The following LSAMP variants were observed in gnomAD, a reference collection of about 807,000 sequenced individuals.
LSAMP encodes the protein limbic system associated membrane protein, also known as limbic system-associated membrane protein.
Under a neutral mutation model 38.6 loss-of-function variants are expected in LSAMP, and 7 were observed. The observed-to-expected ratio is 0.18, with a 90% CI of 0.10 to 0.34. LSAMP has a LOEUF of 0.34. Ranked by LOEUF, LSAMP falls within the 10% of genes least tolerant of loss-of-function variation. The pLI is 1.00. For synonymous variants in LSAMP, 154 were observed against 166.8 expected, an observed-to-expected ratio of 0.92 and a Z score of 0.59; for missense variants, 313 against 420.0, an observed-to-expected ratio of 0.75 and a Z score of 2.23.
At chr3:116,236,053 T>C (rs2046462394) in intron 1 of LSAMP, among the ~76,000 whole-genome samples, 1 of 152,194 alleles carries the variant, frequency 6.6e-6, no homozygotes, top group South Asian at 2.1e-4. Context: ...GCTTGTGTTT[T>C]TTTCACTTTA....
intron 1 of LSAMP, among the ~76,000 whole-genome samples, chr3:116,138,940 T>C (rs926172748): frequency 1.3e-5 from 2 of 151,794 alleles, no homozygotes; most frequent in Admixed American, 1.3e-4. Flanking sequence ...CCAGAGACTA[T>C]GGTGATCATA....
rs1313045762 is a variant in LSAMP, at chr3:115,807,379, C to T, written c.*2938G>A. Reference sequence around the variant, plus strand: ...TTCAAGATCCTGCTAGAGACACAGGCAAACACCACATTTAAATATATGTTT... The same window carrying T: ...TTCAAGATCCTGCTAGAGACACAGGTAAACACCACATTTAAATATATGTTT... On this transcript the variant is annotated 3_prime_UTR_variant, in exon 7 of 7. Coordinates refer to ENST00000490035, the MANE Select transcript of LSAMP (RefSeq NM_002338.5). 6.6e-6 allele frequency: 1 copy of T among 152,158 alleles called. No individual in the cohort carries two copies. Among genetic ancestry groups the T allele is most frequent in the East Asian group, 1.9e-4 (1 of 5,196 alleles). 9.4% of individuals were successfully genotyped at this position (152,158 alleles called of 1,614,324 possible).
chr3:116,434,347 C>T (rs2049318985), intron 1 of LSAMP, among the ~76,000 whole-genome samples: 1 of 152,134 alleles, frequency 6.6e-6, no homozygotes, highest in Admixed American at 6.5e-5. Flanking sequence ...AAATGAAATG[C>T]CTATATTTCA....
intron 1 of LSAMP, among the ~76,000 whole-genome samples, chr3:116,335,914 A>C (rs2047914774): frequency 6.6e-6 from 1 of 152,088 alleles, no homozygotes; most frequent in African/African-American, 2.4e-5. Context: ...TCACACTGAC[A>C]TAAAGTAAAA....
At chr3:116,171,812 A>T (rs1331244307) in intron 1 of LSAMP, among the ~76,000 whole-genome samples, 1 of 152,008 alleles carries the variant, frequency 6.6e-6, no homozygotes, top group Non-Finnish European at 1.5e-5. Flanking sequence ...CAACTTTTAG[A>T]CAGGAGCAAA....
At chr3:116,292,335 C>T (rs2047278280) in intron 1 of LSAMP, among the ~76,000 whole-genome samples, 2 of 152,106 alleles carry the variant, frequency 1.3e-5, no homozygotes, top group African/African-American at 4.8e-5. Flanking sequence ...GCCATAACTT[C>T]TCAAATGGTG....
chr3:115,880,312 C>A (rs1936288895), intron 3 of LSAMP, among the ~76,000 whole-genome samples: 1 of 152,168 alleles, frequency 6.6e-6, no homozygotes, highest in South Asian at 2.1e-4. Context: ...ACTCCCCAAA[C>A]AACTCCTTCT....
At chr3:116,024,921 G>A (rs1442950602) in intron 2 of LSAMP, among the ~76,000 whole-genome samples, 1 of 151,706 alleles carries the variant, frequency 6.6e-6, no homozygotes, top group East Asian at 1.9e-4. Context: ...CCTACAATTT[G>A]TATGTTTCAC....
At chr3:115,997,713 G>GATATATAT (rs376845636) in intron 3 of LSAMP, among the ~76,000 whole-genome samples, 74 of 91,636 alleles carry the variant, frequency 8.1e-4, no homozygotes, top group Middle Eastern at 7.6e-3. Flanking sequence ...GACATTTTGG[G>GATATATAT]ATATATATAT....
chr3:116,214,989 C>A (rs1354457226), intron 1 of LSAMP, among the ~76,000 whole-genome samples: 1 of 152,126 alleles, frequency 6.6e-6, no homozygotes, highest in Non-Finnish European at 1.5e-5. Flanking sequence ...CCAAGAAATA[C>A]TAATTGGACT....
chr3:116,039,458 C>T (rs1055849584), intron 2 of LSAMP, among the ~76,000 whole-genome samples: 5 of 152,282 alleles, frequency 3.3e-5, no homozygotes, highest in East Asian at 1.9e-4. Context: ...ACCTAAGTAA[C>T]GTGTTAACAG....
intron 1 of LSAMP, among the ~76,000 whole-genome samples, chr3:116,359,658 CAT>C (rs1376654775): frequency 2.0e-5 from 3 of 152,054 alleles, no homozygotes; most frequent in Non-Finnish European, 4.4e-5. Flanking sequence ...TGGTGGTAAA[CAT>C]ATGTCATGGT....
At chr3:115,849,927 A>G (rs1454132393) in intron 4 of LSAMP, among the ~76,000 whole-genome samples, 2 of 152,210 alleles carry the variant, frequency 1.3e-5, no homozygotes, top group African/African-American at 4.8e-5. Flanking sequence ...GGCAGAGTTT[A>G]TCTGTGAATT....
At chr3:115,816,876 A>G (rs989967116) in intron 6 of LSAMP, among the ~76,000 whole-genome samples, 1 of 152,232 alleles carries the variant, frequency 6.6e-6, no homozygotes, top group Non-Finnish European at 1.5e-5. Context: ...AATGATTTGC[A>G]ACTTCAAATA....
chr3:116,028,744 A>G (rs921157715), intron 2 of LSAMP, among the ~76,000 whole-genome samples: 2 of 152,120 alleles, frequency 1.3e-5, no homozygotes, highest in African/African-American at 4.8e-5. Flanking sequence ...TAGCCTATGC[A>G]TTTCTGTGGC....
Position 116,150,335 on chromosome 3 carries a change from C to T in LSAMP, c.156-63779G>A, listed in dbSNP as rs564612945. Among the ~76,000 whole-genome samples the T allele has an allele frequency of 2.6e-5, 4 of 152,104 alleles. No homozygotes were observed. The East Asian group carries it at 7.8e-4, about 30-fold the overall frequency. On this transcript the variant is annotated intron_variant, in intron 1 of 6. Transcript: ENST00000490035. Reference sequence around the variant, plus strand: ...TTATTCATAAAATAGCTATTCTCCCCTCTCATGGATCTTAGCTATTGTCTA... The same window carrying T: ...TTATTCATAAAATAGCTATTCTCCCTTCTCATGGATCTTAGCTATTGTCTA...
chr3:116,400,370 CCTTTT>C (rs1428662581), intron 1 of LSAMP, among the ~76,000 whole-genome samples: 1 of 151,958 alleles, frequency 6.6e-6, no homozygotes, highest in Non-Finnish European at 1.5e-5. Context: ...TTTCTTCCTT[CCTTTT>C]TTTTCTCTCT....
At chr3:115,815,306 T>C (rs1933981857) in intron 6 of LSAMP, among the ~76,000 whole-genome samples, 1 of 152,074 alleles carries the variant, frequency 6.6e-6, no homozygotes, top group South Asian at 2.1e-4. Context: ...ATAGGTAGGG[T>C]TCTGTACTAT....
intron 1 of LSAMP, among the ~76,000 whole-genome samples, chr3:116,101,801 T>C (rs1336162764): frequency 2.6e-5 from 4 of 152,156 alleles, no homozygotes; most frequent in African/African-American, 9.6e-5. Context: ...TCGAATATAT[T>C]GATGCCCTTT....
Sources: gnomAD v4.1 joint callset for allele counts (sites outside exome capture counted in the v4.1 genomes callset) on GRCh38, gnomAD v4.1.1 for gene constraint, MANE v1.5 for transcripts, NCBI Gene and HGNC (gene_info 2026-07-23, HGNC 2026-07-21) for gene names.